Variants in DNAJC3 observed in about 807,000 individuals in gnomAD.
DNAJC3 encodes dnaJ homolog subfamily C member 3.
A neutral mutation model predicts 68.6 loss-of-function variants in DNAJC3; 38 were observed. The observed-to-expected ratio is 0.55, with a 90% CI of 0.43 to 0.73. The LOEUF (loss-of-function observed/expected upper bound fraction) is 0.73. DNAJC3 is among the 30% of genes least tolerant of loss of function. The probability of loss-of-function intolerance (pLI) is 0.00; values close to 1 mark genes in which losing one functional copy is unlikely to be tolerated. For synonymous variants in DNAJC3, 203 were observed against 204.0 expected, an observed-to-expected ratio of 1.00 and a Z score of 0.04; for missense variants, 526 against 591.9, an observed-to-expected ratio of 0.89 and a Z score of 1.16.
intron 2 of DNAJC3, among the ~76,000 whole-genome samples, chr13:95,712,836 C>T (rs773421125): frequency 3.3e-5 from 5 of 152,052 alleles, no homozygotes; most frequent in African/African-American, 7.2e-5. Flanking sequence ...GGAAAGGACC[C>T]AGTGGGAAGT....
chr13:95,786,212 C>T (rs1883598099), intron 10 of DNAJC3, 141 bp downstream of exon 10: 1 of 928,392 alleles, frequency 1.1e-6, no homozygotes, highest in African/African-American at 1.7e-5. Flanking sequence ...CAGTCTTTAA[C>T]ATTAGAAAGC....
intron 2 of DNAJC3, among the ~76,000 whole-genome samples, chr13:95,712,798 GA>G (rs1244064484): frequency 6.6e-6 from 1 of 152,130 alleles, no homozygotes; most frequent in Non-Finnish European, 1.5e-5. Context: ...ATGTTATTGG[GA>G]AATTACAGTT....
intron 9 of DNAJC3, among the ~76,000 whole-genome samples, chr13:95,771,729 C>G (rs1180811152): frequency 1.3e-5 from 2 of 152,076 alleles, no homozygotes; most frequent in Admixed American, 1.3e-4. Context: ...TTTGTTTAAC[C>G]CAACTCCTGT....
intron 4 of DNAJC3, among the ~76,000 whole-genome samples, chr13:95,756,088 A>G (rs977189146): frequency 5.3e-5 from 8 of 152,178 alleles, no homozygotes; most frequent in Non-Finnish European, 1.2e-4. Context: ...GTTTGAGAGG[A>G]AAAAAAGGTG....
At chr13:95,703,603 G>A (rs535809036) in intron 1 of DNAJC3, among the ~76,000 whole-genome samples, 2 of 152,264 alleles carry the variant, frequency 1.3e-5, no homozygotes, top group East Asian at 1.9e-4. Context: ...TGGGGATTAC[G>A]AATGAATTTT....
chr13:95,725,141 A>G lies in DNAJC3; in HGVS notation c.319-37A>G, dbSNP rs376142012. ...GTTTAAAAAAGATTTAGAAATCTAT[A>G]ATATTCAAGATAATCCTCTGCCCCC... On this transcript the variant is annotated intron_variant, in intron 3 of 11. Coordinates refer to ENST00000602402, the MANE Select transcript of DNAJC3 (RefSeq NM_006260.5). The G allele has an allele frequency of 2.1e-4, 285 of 1,372,816 alleles. 1 individual carries two copies. Among genetic ancestry groups the G allele is most frequent in the South Asian group, 1.8e-3 (112 of 63,416 alleles). 85.0% of individuals were successfully genotyped at this position (1,372,816 alleles called of 1,614,324 possible). A position where few individuals can be genotyped will look rare whatever the true frequency, so the allele number is the denominator to read the frequency against.
chr13:95,677,384 C>G (rs780082276), intron 1 of DNAJC3, 47 bp downstream of exon 1: 22 of 1,529,128 alleles, frequency 1.4e-5, no homozygotes, highest in Non-Finnish European at 1.9e-5. Flanking sequence ...CCGGACCAGG[C>G]CCCCCGCGCT....
At chr13:95,780,465 G>T (rs1421718019) in intron 9 of DNAJC3, among the ~76,000 whole-genome samples, 2 of 152,182 alleles carry the variant, frequency 1.3e-5, no homozygotes, top group African/African-American at 4.8e-5. Context: ...CATAGAAGGT[G>T]TATTTTGTCA....
chr13:95,728,326 C>G (rs1261897559), intron 4 of DNAJC3, among the ~76,000 whole-genome samples: 1 of 152,178 alleles, frequency 6.6e-6, no homozygotes, highest in Non-Finnish European at 1.5e-5. Flanking sequence ...CCTCTGCATC[C>G]TTGCCGGCAT....
At chr13:95,776,843 C>G (rs556645158) in intron 9 of DNAJC3, among the ~76,000 whole-genome samples, 1 of 152,290 alleles carries the variant, frequency 6.6e-6, no homozygotes, top group Non-Finnish European at 1.5e-5. Flanking sequence ...ATTGCTTCAG[C>G]TGATGTAGGT....
intron 1 of DNAJC3, among the ~76,000 whole-genome samples, chr13:95,707,698 A>G (rs1369553314): frequency 9.9e-5 from 15 of 152,204 alleles, no homozygotes; most frequent in Admixed American, 9.8e-4. Flanking sequence ...TAATCTAAGA[A>G]CTGTTAAGTT....
At chr13:95,701,374 A>G (rs1338001339) in intron 1 of DNAJC3, among the ~76,000 whole-genome samples, 4 of 152,352 alleles carry the variant, frequency 2.6e-5, no homozygotes, top group Middle Eastern at 6.8e-3. Flanking sequence ...ATTTACATCT[A>G]TGAGGGAAAT....
intron 2 of DNAJC3, among the ~76,000 whole-genome samples, chr13:95,714,684 T>C (rs1456345405): frequency 6.6e-6 from 1 of 152,234 alleles, no homozygotes; most frequent in Non-Finnish European, 1.5e-5. Flanking sequence ...ATTTTTCTGG[T>C]GATTCAAACT....
chr13:95,708,632 G>A (rs757844469), intron 1 of DNAJC3, among the ~76,000 whole-genome samples: 7 of 151,964 alleles, frequency 4.6e-5, no homozygotes, highest in Admixed American at 2.6e-4. Context: ...CCCTTTACGC[G>A]CTTATTTGCT....
chr13:95,714,303 G>C (rs1287634062), intron 2 of DNAJC3, among the ~76,000 whole-genome samples: 1 of 151,986 alleles, frequency 6.6e-6, no homozygotes, highest in Non-Finnish European at 1.5e-5. Flanking sequence ...GCTGAGGCGG[G>C]AGGACTGCTT....
chr13:95,775,238 T>C (rs2139687628), intron 9 of DNAJC3, among the ~76,000 whole-genome samples: 1 of 152,348 alleles, frequency 6.6e-6, no homozygotes, highest in Non-Finnish European at 1.5e-5. Flanking sequence ...TGTAACGACG[T>C]TTTAAATAAA....
At chr13:95,678,384 G>A (rs1879824557) in intron 1 of DNAJC3, among the ~76,000 whole-genome samples, 1 of 151,832 alleles carries the variant, frequency 6.6e-6, no homozygotes, top group African/African-American at 2.4e-5. Context: ...TTTTAAAGTA[G>A]TACTCCCCAG....
intron 2 of DNAJC3, among the ~76,000 whole-genome samples, chr13:95,712,499 C>G (rs1221908539): frequency 6.6e-6 from 1 of 151,682 alleles, no homozygotes; most frequent in Non-Finnish European, 1.5e-5. Context: ...GCCTCAGCCT[C>G]CCAAGTAGCG....
At chr13:95,763,605 A>ATG in intron 7 of DNAJC3, 38 bp from the exon 8 acceptor site, 1 of 1,593,514 alleles carries the variant, frequency 6.3e-7, no homozygotes, top group Non-Finnish European at 8.6e-7. Context: ...TGGAAATCAA[A>ATG]TGTCATCATT....
Sources: gnomAD v4.1 joint callset for allele counts (sites outside exome capture counted in the v4.1 genomes callset) on GRCh38, gnomAD v4.1.1 for gene constraint, MANE v1.5 for transcripts, NCBI Gene and HGNC (gene_info 2026-07-23, HGNC 2026-07-21) for gene names.